Variants in TGFBR3 observed in about 807,000 individuals in gnomAD.
TGFBR3 encodes transforming growth factor beta receptor 3, also known as transforming growth factor beta receptor type 3.
A neutral mutation model predicts 87.9 loss-of-function variants in TGFBR3; 46 were observed. The observed-to-expected ratio is 0.52, with a 90% CI of 0.41 to 0.67. The LOEUF is 0.67. TGFBR3 is among the 30% of genes least tolerant of loss of function. The pLI is 0.00. For synonymous variants in TGFBR3, 381 were observed against 391.6 expected (o/e 0.97, Z 0.32); for missense variants, 866 against 1,041.9 (o/e 0.83, Z 2.32).
chr1:91,860,383 C>T (rs1266162453), intron 2 of TGFBR3, among the ~76,000 whole-genome samples: 7 of 152,168 alleles, frequency 4.6e-5, no homozygotes, highest in African/African-American at 1.2e-4. Context: ...AATCACTTTT[C>T]GAGTCAATGC....
At chr1:91,720,269 T>G in intron 8 of TGFBR3, 39 bp from the exon 9 acceptor site, 2 of 1,536,556 alleles carry the variant, frequency 1.3e-6, no homozygotes, top group Non-Finnish European at 8.8e-7. Context: ...CAGTGTTTGA[T>G]GCCAGGCCAC....
At chr1:91,687,961 T>A (rs1671144884) in intron 16 of TGFBR3, among the ~76,000 whole-genome samples, 1 of 152,214 alleles carries the variant, frequency 6.6e-6, no homozygotes, top group African/African-American at 2.4e-5. Context: ...AGTTTCTTGA[T>A]CTCCTAACTG....
intron 4 of TGFBR3, among the ~76,000 whole-genome samples, chr1:91,747,384 C>T (rs370570094): frequency 1.3e-5 from 2 of 152,238 alleles, no homozygotes; most frequent in African/African-American, 4.8e-5. Flanking sequence ...TCCCACCCTT[C>T]ACTGCTGCTT....
At chr1:91,745,854 T>C (rs1157305221) in intron 4 of TGFBR3, among the ~76,000 whole-genome samples, 2 of 152,258 alleles carry the variant, frequency 1.3e-5, no homozygotes, top group African/African-American at 4.8e-5. Flanking sequence ...TACATATTCA[T>C]GAGCCATGTG....
At chr1:91,889,604 G>T (rs1157140511), upstream of TGFBR3, among the ~76,000 whole-genome samples, 1 of 152,124 alleles carries the variant, frequency 6.6e-6, no homozygotes, top group African/African-American at 2.4e-5. Context: ...TAGACGAAAG[G>T]TTTAAAATAA....
chr1:91,855,559 TTTTTGC>T (rs1342051111), intron 2 of TGFBR3, among the ~76,000 whole-genome samples: 12 of 152,362 alleles, frequency 7.9e-5, no homozygotes, highest in African/African-American at 2.2e-4. Flanking sequence ...TTTGTTTTTG[TTTTTGC>T]CTTTTCAAGT....
intron 2 of TGFBR3, among the ~76,000 whole-genome samples, chr1:91,807,187 C>G (rs1024577350): frequency 6.6e-6 from 1 of 152,216 alleles, no homozygotes; most frequent in Non-Finnish European, 1.5e-5. Context: ...CCAAAGAGGG[C>G]GCTTCTACCA....
chr1:91,886,186 C>T (rs1679301785), upstream of TGFBR3: 1 of 453,516 alleles, frequency 2.2e-6, no homozygotes, highest in Non-Finnish European at 4.4e-6. Context: ...ACTCGCCCTC[C>T]CTCGCACACA....
chr1:91,741,170 A>C (rs964018307), intron 4 of TGFBR3, among the ~76,000 whole-genome samples: 2 of 152,240 alleles, frequency 1.3e-5, no homozygotes, highest in African/African-American at 4.8e-5. Flanking sequence ...GCCCCTCTTC[A>C]GATGCTTCTG....
rs182132234 is a variant in TGFBR3 at position 91,895,147 on chromosome 1, A to G, written c.-114+4490T>C. 9.4e-4 allele frequency among the ~76,000 whole-genome samples: 143 copies of G among 152,248 alleles called. 1 individual carries two copies. Among genetic ancestry groups the G allele is most frequent in the African/African-American group, 3.2e-3 (134 of 41,536 alleles). ...CGTCCTCATCCAAATCTCATGTTCA[A>G]TTGTAATCCCCAATGTTGGAAGTGG... On this transcript the variant is annotated intron_variant, in intron 2 of 17. Transcript: ENST00000370399.
chr1:91,896,448 T>C (rs561444503), intron 2 of TGFBR3, among the ~76,000 whole-genome samples: 1 of 152,274 alleles, frequency 6.6e-6, no homozygotes, highest in African/African-American at 2.4e-5. Context: ...GTCATCAGAA[T>C]ACATCTGACC....
chr1:91,854,109 ATATACAAAATTTCAAT>A (rs1677846947), intron 2 of TGFBR3, among the ~76,000 whole-genome samples: 1 of 152,164 alleles, frequency 6.6e-6, no homozygotes, highest in Non-Finnish European at 1.5e-5. Flanking sequence ...TGTTGGTCAA[ATATACAAAATTTCAAT>A]TAGACAGGAG....
intron 2 of TGFBR3, among the ~76,000 whole-genome samples, chr1:91,844,019 C>T (rs186237557): frequency 3.9e-5 from 6 of 152,320 alleles, no homozygotes; most frequent in South Asian, 4.1e-4. Context: ...GAAAGCCCAA[C>T]GGCCTGATGG....
At chr1:91,784,049 G>A (rs1466667500) in intron 3 of TGFBR3, among the ~76,000 whole-genome samples, 1 of 152,114 alleles carries the variant, frequency 6.6e-6, no homozygotes, top group African/African-American at 2.4e-5. Flanking sequence ...TGACGGAAAG[G>A]ACTAACTAGT....
At chr1:91,842,937 C>T (rs1677345067) in intron 2 of TGFBR3, among the ~76,000 whole-genome samples, 1 of 152,146 alleles carries the variant, frequency 6.6e-6, no homozygotes, top group South Asian at 2.1e-4. Flanking sequence ...TTCTTATCCA[C>T]ACCCTCTCCC....
chr1:91,782,515 C>G (rs754901353), intron 3 of TGFBR3, among the ~76,000 whole-genome samples: 2 of 152,178 alleles, frequency 1.3e-5, no homozygotes, highest in Non-Finnish European at 2.9e-5. Flanking sequence ...GCACTGCTTG[C>G]ACATCGACTG....
At chr1:91,864,420 C>G (rs1371814435) in intron 1 of TGFBR3, 1 of 152,242 alleles carries the variant, frequency 6.6e-6, no homozygotes, top group Non-Finnish European at 1.5e-5. Flanking sequence ...AGGCAAACCA[C>G]AGCAAGTTTA....
At chr1:91,838,096 A>G (rs889358724) in intron 2 of TGFBR3, among the ~76,000 whole-genome samples, 7 of 152,196 alleles carry the variant, frequency 4.6e-5, no homozygotes, top group Non-Finnish European at 8.8e-5. Flanking sequence ...CCCTGCAAGG[A>G]CCAAGAGTCC....
intron 16 of TGFBR3, among the ~76,000 whole-genome samples, chr1:91,690,898 ATTTCCTCATTCTTTTTT>A (rs572932578): frequency 3.9e-5 from 6 of 152,250 alleles, no homozygotes; most frequent in African/African-American, 1.4e-4. Context: ...ACAGCTTAGA[ATTTCCTCATTCTTTTTT>A]TTTCCTCATT....
Sources: gnomAD v4.1 joint callset for allele counts (sites outside exome capture counted in the v4.1 genomes callset) on GRCh38, gnomAD v4.1.1 for gene constraint, MANE v1.5 for transcripts, NCBI Gene and HGNC (gene_info 2026-07-23, HGNC 2026-07-21) for gene names.